Variants in MARCHF3 observed in about 807,000 individuals in gnomAD.
The protein encoded by MARCHF3 is membrane associated ring-CH-type finger 3.
Under a neutral mutation model 24.2 loss-of-function variants are expected in MARCHF3, and 13 were observed. The ratio of observed to expected loss-of-function variants is 0.54; its 90% CI spans 0.35 to 0.85. MARCHF3 has a LOEUF of 0.85. Among genes scored for constraint, MARCHF3 ranks in the 40% least tolerant of loss-of-function variants. The pLI is 0.01. For missense variants in MARCHF3, 276 were observed against 325.0 expected (o/e 0.85, Z 1.16); for synonymous variants, 144 against 137.3 (o/e 1.05, Z -0.34).
At chr5:126,960,623 G>A (rs183796338) in intron 1 of MARCHF3, among the ~76,000 whole-genome samples, 1 of 152,062 alleles carries the variant, frequency 6.6e-6, no homozygotes, top group East Asian at 1.9e-4. Context: ...CCTGCCTCCA[G>A]CTGTAAAGTA....
chr5:126,977,316 A>C (rs1235440717), intron 1 of MARCHF3, among the ~76,000 whole-genome samples: 1 of 152,194 alleles, frequency 6.6e-6, no homozygotes, highest in African/African-American at 2.4e-5. Flanking sequence ...TTAGCACCAA[A>C]CCTGAAGGTC....
chr5:126,954,064 T>G (rs1490279307), intron 1 of MARCHF3, among the ~76,000 whole-genome samples: 1 of 152,122 alleles, frequency 6.6e-6, no homozygotes, highest in Non-Finnish European at 1.5e-5. Flanking sequence ...TTTATTTTTT[T>G]GAGACGGAGT....
At chr5:126,922,126 G>T (rs113383426) in intron 1 of MARCHF3, among the ~76,000 whole-genome samples, 1 of 152,182 alleles carries the variant, frequency 6.6e-6, no homozygotes, top group African/African-American at 2.4e-5. Flanking sequence ...CACAGGTCGT[G>T]GGGGAAGGGA....
chr5:126,997,782 T>A (rs1043819957), intron 1 of MARCHF3, among the ~76,000 whole-genome samples: 2 of 152,244 alleles, frequency 1.3e-5, no homozygotes, highest in African/African-American at 4.8e-5. Context: ...TAATTCTCAT[T>A]GCCCATTTGG....
chr5:126,995,962 A>C (rs1210683474), intron 1 of MARCHF3, among the ~76,000 whole-genome samples: 1 of 152,244 alleles, frequency 6.6e-6, no homozygotes, highest in Non-Finnish European at 1.5e-5. Context: ...GGGAAGGTGG[A>C]ATTTAAGCTG....
chr5:126,908,991 G>C (rs2126788264), intron 3 of MARCHF3, among the ~76,000 whole-genome samples: 1 of 152,296 alleles, frequency 6.6e-6, no homozygotes, highest in Non-Finnish European at 1.5e-5. Context: ...ATGTACAGAT[G>C]GGTTTTTGGT....
chr5:127,004,191 C>T (rs1752230003), intron 1 of MARCHF3, among the ~76,000 whole-genome samples: 1 of 152,080 alleles, frequency 6.6e-6, no homozygotes, highest in South Asian at 2.1e-4. Flanking sequence ...CCTGACAATC[C>T]ACCTTGTTTT....
At chr5:126,910,013 T>G (rs1369694987) in intron 3 of MARCHF3, among the ~76,000 whole-genome samples, 1 of 152,210 alleles carries the variant, frequency 6.6e-6, no homozygotes, top group Non-Finnish European at 1.5e-5. Context: ...AGCTTTTAAA[T>G]TGTTCATACA....
At chr5:126,895,274 A>T (rs1376352346) in intron 3 of MARCHF3, among the ~76,000 whole-genome samples, 1 of 152,102 alleles carries the variant, frequency 6.6e-6, no homozygotes, top group Non-Finnish European at 1.5e-5. Flanking sequence ...TGTAGCTCAG[A>T]GTAATTTGAT....
intron 1 of MARCHF3, among the ~76,000 whole-genome samples, chr5:126,977,804 G>A (rs1366805390): frequency 1.3e-5 from 2 of 152,194 alleles, no homozygotes; most frequent in African/African-American, 2.4e-5. Flanking sequence ...CGGCCATTCC[G>A]AAATGCAAGA....
At chr5:126,873,557 TGA>T (rs780706756) in intron 4 of MARCHF3, among the ~76,000 whole-genome samples, 3 of 151,526 alleles carry the variant, frequency 2.0e-5, no homozygotes, top group East Asian at 1.9e-4. Flanking sequence ...ACCTAAGGAA[TGA>T]GAGAGTGCAT....
chr5:127,009,711 C>A (rs969480682), intron 1 of MARCHF3, among the ~76,000 whole-genome samples: 1 of 152,190 alleles, frequency 6.6e-6, no homozygotes, highest in Non-Finnish European at 1.5e-5. Context: ...TCTGCCCCCA[C>A]AAAATCTTGT....
At chr5:126,915,394 A>T (rs924262339) in intron 2 of MARCHF3, among the ~76,000 whole-genome samples, 2 of 152,264 alleles carry the variant, frequency 1.3e-5, no homozygotes, top group Admixed American at 1.3e-4. Flanking sequence ...AAAGTGAGTG[A>T]AAACAAGCAG....
At chr5:126,898,281 G>C (rs1259879033) in intron 3 of MARCHF3, among the ~76,000 whole-genome samples, 2 of 152,042 alleles carry the variant, frequency 1.3e-5, no homozygotes, top group Non-Finnish European at 2.9e-5. Context: ...AGAAAAATCT[G>C]AAGTATCCTA....
At chr5:126,962,625 ATAT>A (rs1750674829) in intron 1 of MARCHF3, among the ~76,000 whole-genome samples, 2 of 152,108 alleles carry the variant, frequency 1.3e-5, no homozygotes, top group African/African-American at 4.8e-5. Context: ...ATTATTTAAA[ATAT>A]TATATGAAGT....
At chr5:126,972,170 C>CA (rs892632895) in intron 1 of MARCHF3, among the ~76,000 whole-genome samples, 4 of 145,644 alleles carry the variant, frequency 2.7e-5, no homozygotes, top group African/African-American at 1.0e-4. Flanking sequence ...ATTTATAATA[C>CA]AAAGTTAGGA....
intron 3 of MARCHF3, among the ~76,000 whole-genome samples, chr5:126,894,694 G>A (rs1257750595): frequency 6.6e-6 from 1 of 151,938 alleles, no homozygotes; most frequent in East Asian, 1.9e-4. Context: ...AGGGTAACCC[G>A]CCCTTTCTCT....
chr5:127,000,660 T>C (rs1398785737), intron 1 of MARCHF3, among the ~76,000 whole-genome samples: 1 of 152,204 alleles, frequency 6.6e-6, no homozygotes, highest in African/African-American at 2.4e-5. Context: ...GTGGTGATCA[T>C]TCATGACTCT....
At chr5:126,968,818 G>A (rs984764832) in intron 1 of MARCHF3, among the ~76,000 whole-genome samples, 3 of 152,196 alleles carry the variant, frequency 2.0e-5, no homozygotes, top group Non-Finnish European at 4.4e-5. Flanking sequence ...GCCTCCCAAA[G>A]TGCTGGGATT....
Sources: allele counts gnomAD v4.1 joint callset (sites outside exome capture counted in the v4.1 genomes callset), GRCh38; gene constraint gnomAD v4.1.1; transcripts MANE v1.5; gene names NCBI Gene and HGNC (gene_info 2026-07-23, HGNC 2026-07-21).